The following CLTC variants were observed in gnomAD, a reference collection of about 807,000 sequenced individuals.
The protein encoded by CLTC is clathrin heavy chain.
A neutral mutation model predicts 195.8 loss-of-function variants in CLTC; 16 were observed. The observed-to-expected ratio is 0.08, with a 90% confidence interval of 0.06 to 0.12. The LOEUF (loss-of-function observed/expected upper bound fraction) is 0.12. Ranked by LOEUF, CLTC falls within the 10% of genes least tolerant of loss-of-function variation. The pLI is 1.00. For synonymous variants in CLTC, 667 were observed against 689.4 expected (o/e 0.97, Z 0.51); for missense variants, 796 against 2,027.0 (o/e 0.39, Z 11.66).
At chr17:59,693,057 A>C (rs2033343948) in intron 31 of CLTC, among the ~76,000 whole-genome samples, 1 of 152,202 alleles carries the variant, frequency 6.6e-6, no homozygotes, top group Non-Finnish European at 1.5e-5. Flanking sequence ...ATGTAACTCT[A>C]AAAGTTATGT....
chr17:59,629,770 T>C (rs2031658085), intron 1 of CLTC, among the ~76,000 whole-genome samples: 1 of 151,930 alleles, frequency 6.6e-6, no homozygotes, highest in South Asian at 2.1e-4. Context: ...CCGCCTGCTT[T>C]GGCCTCCCAA....
chr17:59,657,964 T>G (rs1007153917), intron 6 of CLTC, among the ~76,000 whole-genome samples: 2 of 151,684 alleles, frequency 1.3e-5, no homozygotes, highest in African/African-American at 4.8e-5. Flanking sequence ...TTTGAGAGGC[T>G]GAGGTGGGTG....
At chr17:59,623,984 T>C (rs1486637406) in intron 1 of CLTC, among the ~76,000 whole-genome samples, 1 of 152,256 alleles carries the variant, frequency 6.6e-6, no homozygotes, top group Non-Finnish European at 1.5e-5. Context: ...CTCATGTTTA[T>C]GTATTTAGAA....
intron 7 of CLTC, 22 bp downstream of exon 7, chr17:59,660,610 G>C: frequency 1.2e-6 from 2 of 1,606,870 alleles, no homozygotes; most frequent in South Asian, 2.2e-5. Context: ...TGAAAATGAA[G>C]TTGTCATGAC....
At chr17:59,686,961 G>T (rs1030532510) in intron 30 of CLTC, 2 of 984,692 alleles carry the variant, frequency 2.0e-6, no homozygotes, top group African/African-American at 3.5e-5. Flanking sequence ...ATATGGAATT[G>T]ATTTTTTTTC....
Position 59,648,432 on chromosome 17 carries a change from G to A in CLTC, c.681+31G>A. On this transcript the variant is annotated intron_variant, in intron 4 of 31. Coordinates refer to ENST00000269122, the MANE Select transcript of CLTC (RefSeq NM_004859.4). This position sits in a 1 kb window ranked among gnomAD's most constrained non-coding sequence, Gnocchi z 4.5. Reference sequence around the variant, plus strand: ...TTTTGGCTTTGGTAATTATTTTAATGAGAACTTGTATTTGGCTTTCTGCTA... The same window carrying A: ...TTTTGGCTTTGGTAATTATTTTAATAAGAACTTGTATTTGGCTTTCTGCTA... 3.8e-6 allele frequency: 6 copies of A among 1,592,236 alleles called. No individual in the cohort carries two copies. The highest frequency in any genetic ancestry group is 5.1e-6 in the Non-Finnish European group (6 of 1,165,578).
chr17:59,634,475 T>C (rs151120319), intron 1 of CLTC, among the ~76,000 whole-genome samples: 112 of 152,330 alleles, frequency 7.4e-4, no homozygotes, highest in African/African-American at 2.5e-3. Context: ...TATAAAGTTT[T>C]TGAAAATTTC....
intron 16 of CLTC, 64 bp downstream of exon 16, chr17:59,674,907 G>T: frequency 6.8e-7 from 1 of 1,479,316 alleles, no homozygotes; most frequent in Non-Finnish European, 9.3e-7. Context: ...TAAAAATATA[G>T]GTAGTCATTT....
intron 16 of CLTC, among the ~76,000 whole-genome samples, chr17:59,676,489 T>C (rs187569464): frequency 6.5e-4 from 99 of 152,346 alleles, no homozygotes; most frequent in Non-Finnish European, 2.8e-4. Flanking sequence ...TTGTGTGTTA[T>C]AAAGAAAGGA....
intron 8 of CLTC, 100 bp from the exon 9 acceptor site, chr17:59,663,742 A>C: frequency 1.1e-5 from 10 of 944,888 alleles, no homozygotes; most frequent in Non-Finnish European, 3.1e-6. Flanking sequence ...GAAACTAAGT[A>C]CCTTTCATAC....
Position 59,682,696 on chromosome 17 carries a change from A to G in CLTC, c.3668A>G (p.Asn1223Ser). ...AAGTTGTTGTACAATAATGTTTCCA[A>G]TTTTGGACGTTTGGCATCTACCCTG... ...AAKLLYNNVSNFGRLASTLVH... is the reference protein window; with the variant it reads ...AAKLLYNNVSSFGRLASTLVH... Residue 1223 changes from asparagine to serine, a missense_variant, in exon 23 of 32, where the codon AAT becomes AGT. By Grantham distance (46) the Asn-to-Ser change is conservative. Coordinates refer to ENST00000269122, the MANE Select transcript of CLTC (RefSeq NM_004859.4). The surrounding 1 kb of genome is among the most constrained non-coding windows in gnomAD (Gnocchi z 6.8). 2 of 1,614,066 alleles carry G rather than the reference A, an allele frequency of 1.2e-6. No homozygotes were observed. The highest frequency in any genetic ancestry group is 1.7e-6 in the Non-Finnish European group (2 of 1,179,990).
chr17:59,660,302 G>A, intron 6 of CLTC, 89 bp from the exon 7 acceptor site: 1 of 1,075,012 alleles, frequency 9.3e-7, no homozygotes. Context: ...TTACCTTTGT[G>A]ACTCAGTATT....
chr17:59,622,097 A>T (rs368336445), intron 1 of CLTC, among the ~76,000 whole-genome samples: 24 of 152,250 alleles, frequency 1.6e-4, no homozygotes, highest in African/African-American at 5.8e-4. Context: ...CTTATTAAAG[A>T]CAAATTTAAT....
chr17:59,661,700 C>A (rs1467673579), intron 8 of CLTC, 57 bp downstream of exon 8: 1 of 1,486,808 alleles, frequency 6.7e-7, no homozygotes, highest in Non-Finnish European at 9.4e-7. Flanking sequence ...ATGATATTGG[C>A]AAGTTAAAAT....
intron 9 of CLTC, 24 bp from the exon 10 acceptor site, chr17:59,664,763 G>T: frequency 5.6e-6 from 9 of 1,609,704 alleles, no homozygotes; most frequent in Non-Finnish European, 7.6e-6. Flanking sequence ...TAGGAGCAGC[G>T]TTTAAGTCTT....
At chr17:59,630,062 G>A (rs1364402513) in intron 1 of CLTC, among the ~76,000 whole-genome samples, 1 of 151,890 alleles carries the variant, frequency 6.6e-6, no homozygotes, top group Non-Finnish European at 1.5e-5. Context: ...GTACAGTGGC[G>A]AGATCATGGC....
chr17:59,657,479 G>T (rs539444291), intron 6 of CLTC, among the ~76,000 whole-genome samples: 136 of 152,110 alleles, frequency 8.9e-4, no homozygotes, highest in Non-Finnish European at 1.4e-3. Flanking sequence ...GAAAAATCAA[G>T]AATAAGGCTA....
At chr17:59,684,074 G>A (rs1344426353) in intron 28 of CLTC, 89 bp downstream of exon 28, 4 of 789,520 alleles carry the variant, frequency 5.1e-6, no homozygotes, top group African/African-American at 1.7e-5. Flanking sequence ...CTTTAGGATT[G>A]TAAACAGTAG....
At chr17:59,650,143 A>G (rs1197729513) in intron 4 of CLTC, among the ~76,000 whole-genome samples, 2 of 152,184 alleles carry the variant, frequency 1.3e-5, no homozygotes, top group African/African-American at 4.8e-5. Context: ...CATTTCTGGC[A>G]TGACTAAGGA....
Sources: allele counts gnomAD v4.1 joint callset (sites outside exome capture counted in the v4.1 genomes callset), GRCh38; gene constraint gnomAD v4.1.1; non-coding constraint Gnocchi (gnomAD v3.1); transcripts MANE v1.5; gene names NCBI Gene and HGNC (gene_info 2026-07-23, HGNC 2026-07-21).